Variants in NCKAP5 observed in about 807,000 individuals in gnomAD.
NCKAP5 encodes nck-associated protein 5.
In NCKAP5, 92 loss-of-function variants were observed where a neutral mutation model predicts 167.0. The observed-to-expected ratio is 0.55, with a 90% CI of 0.47 to 0.66. The LOEUF is 0.66. Among genes scored for constraint, NCKAP5 ranks in the 30% least tolerant of loss-of-function variants. NCKAP5 has a pLI of 0.00. For synonymous variants in NCKAP5, 891 were observed against 877.4 expected, an observed-to-expected ratio of 1.02 and a Z score of -0.27; for missense variants, 2,378 against 2,315.0, an observed-to-expected ratio of 1.03 and a Z score of -0.56.
intron 3 of NCKAP5, among the ~76,000 whole-genome samples, chr2:133,356,150 C>T (rs1287229421): frequency 6.6e-6 from 1 of 152,048 alleles, no homozygotes; most frequent in Non-Finnish European, 1.5e-5. Context: ...TAGTCAAGAG[C>T]TCCTGGACTC....
intron 1 of NCKAP5, among the ~76,000 whole-genome samples, chr2:133,565,923 T>C (rs959340223): frequency 6.6e-6 from 1 of 152,182 alleles, no homozygotes; most frequent in South Asian, 2.1e-4. Context: ...AAGTATTATA[T>C]AGCAAGCAGC....
chr2:133,657,023 T>C, the NCKAP5 span, among the ~76,000 whole-genome samples: 1 of 152,166 alleles, frequency 6.6e-6, no homozygotes, highest in Non-Finnish European at 1.5e-5. Flanking sequence ...ACATGCGATG[T>C]TTGGTTTTCC....
chr2:133,203,714 A>G (rs547698406), intron 5 of NCKAP5, among the ~76,000 whole-genome samples: 1 of 152,282 alleles, frequency 6.6e-6, no homozygotes, highest in South Asian at 2.1e-4. Context: ...TCCTGGAGTC[A>G]GCAGGGGTTA....
At chr2:132,723,504 C>T (rs1690155352) in intron 19 of NCKAP5, among the ~76,000 whole-genome samples, 2 of 151,786 alleles carry the variant, frequency 1.3e-5, no homozygotes, top group South Asian at 4.1e-4. Context: ...CGACTGTTCT[C>T]ACTCCCTGTG....
chr2:133,515,789 C>T (rs1029568664), intron 3 of NCKAP5, among the ~76,000 whole-genome samples: 1 of 152,236 alleles, frequency 6.6e-6, no homozygotes, highest in East Asian at 1.9e-4. Context: ...TTGGGGGTTA[C>T]TCACGTCCCC....
At chr2:133,468,294 G>T (rs1055959249) in intron 3 of NCKAP5, among the ~76,000 whole-genome samples, 2 of 141,900 alleles carry the variant, frequency 1.4e-5, no homozygotes, top group African/African-American at 2.7e-5. Flanking sequence ...GGAGCAGGTT[G>T]TTCAGTTTCT....
chr2:133,526,122 GA>G (rs1684848551), intron 2 of NCKAP5, among the ~76,000 whole-genome samples: 1 of 149,060 alleles, frequency 6.7e-6, no homozygotes, highest in South Asian at 2.1e-4. Flanking sequence ...CCTGAAGATT[GA>G]AAGAAAAACA....
At chr2:133,116,936 T>A (rs1487341918) in intron 6 of NCKAP5, 2 of 152,220 alleles carry the variant, frequency 1.3e-5, no homozygotes, top group African/African-American at 4.8e-5. Flanking sequence ...CTCAATAATA[T>A]TAGCTCACTT....
At chr2:132,721,872 G>A (rs1035120813) in intron 19 of NCKAP5, among the ~76,000 whole-genome samples, 2 of 152,212 alleles carry the variant, frequency 1.3e-5, no homozygotes. Flanking sequence ...GGGAAAGACT[G>A]TCTTGCTGTT....
At chr2:132,807,920 G>A (rs992889533) in intron 11 of NCKAP5, among the ~76,000 whole-genome samples, 2 of 152,050 alleles carry the variant, frequency 1.3e-5, no homozygotes, top group Admixed American at 6.6e-5. Flanking sequence ...ATAACATAAA[G>A]GTATGTCCCT....
intron 1 of NCKAP5, among the ~76,000 whole-genome samples, chr2:133,567,326 G>C (rs563993813): frequency 8.5e-5 from 13 of 152,258 alleles, no homozygotes; most frequent in African/African-American, 3.1e-4. Flanking sequence ...AATAGCTCAC[G>C]GGCCAGCCGG....
chr2:133,133,155 G>C (rs1276075703), intron 5 of NCKAP5, among the ~76,000 whole-genome samples: 1 of 152,182 alleles, frequency 6.6e-6, no homozygotes, highest in Admixed American at 6.5e-5. Context: ...AAGGCAATGA[G>C]AGATGGAGAA....
intron 6 of NCKAP5, among the ~76,000 whole-genome samples, chr2:133,041,503 T>A (rs1000355715): frequency 2.6e-5 from 4 of 152,182 alleles, no homozygotes; most frequent in Admixed American, 6.6e-5. Flanking sequence ...AAAAGACAGA[T>A]ACTTTGAATG....
intron 6 of NCKAP5, among the ~76,000 whole-genome samples, chr2:133,076,667 T>A (rs942566256): frequency 2.0e-5 from 3 of 152,178 alleles, no homozygotes; most frequent in Admixed American, 2.0e-4. Context: ...TGGATGATAG[T>A]GGTACATGAT....
At chr2:132,681,729 T>C (rs1324990629) in intron 19 of NCKAP5, among the ~76,000 whole-genome samples, 2 of 152,194 alleles carry the variant, frequency 1.3e-5, no homozygotes, top group African/African-American at 4.8e-5. Context: ...TTATGAGGTA[T>C]GCGGCGAGTG....
intron 8 of NCKAP5, among the ~76,000 whole-genome samples, chr2:132,897,954 C>T (rs138106669): frequency 1.3e-5 from 2 of 152,108 alleles, no homozygotes; most frequent in Non-Finnish European, 2.9e-5. Flanking sequence ...GGGTGGCTAT[C>T]GTAATTCCTT....
At chr2:132,840,276 ATTTTTT>A (rs199908793) in intron 11 of NCKAP5, among the ~76,000 whole-genome samples, 1 of 135,216 alleles carries the variant, frequency 7.4e-6, no homozygotes, top group Admixed American at 7.6e-5. Flanking sequence ...ATTGCACAGC[ATTTTTT>A]TTTTTTTTTT....
intron 7 of NCKAP5, among the ~76,000 whole-genome samples, chr2:132,972,793 G>A (rs2076873392): frequency 1.3e-5 from 2 of 151,098 alleles, no homozygotes; most frequent in African/African-American, 4.9e-5. Context: ...GACCCAGGAA[G>A]CAGAGGTTGC....
chr2:133,442,907 C>A (rs1476981340), intron 3 of NCKAP5, among the ~76,000 whole-genome samples: 1 of 152,170 alleles, frequency 6.6e-6, no homozygotes, highest in Non-Finnish European at 1.5e-5. Flanking sequence ...CTCCAGAACA[C>A]CCCTACTCTT....
Sources: allele counts gnomAD v4.1 joint callset (sites outside exome capture counted in the v4.1 genomes callset), GRCh38; gene constraint gnomAD v4.1.1; transcripts MANE v1.5; gene names NCBI Gene and HGNC (gene_info 2026-07-23, HGNC 2026-07-21).